SNX31: variants seen among roughly 807,000 people sequenced by gnomAD.
The protein encoded by SNX31 is sorting nexin 31.
Under a neutral mutation model 65.4 loss-of-function variants are expected in SNX31, and 58 were observed. The observed-to-expected ratio is 0.89, with a 90% CI of 0.72 to 1.10. The LOEUF (loss-of-function observed/expected upper bound fraction) is 1.10. Ranked by LOEUF, SNX31 falls within the 50% of genes least tolerant of loss-of-function variation. The pLI is 0.00. For synonymous variants in SNX31, 181 were observed against 190.1 expected (o/e 0.95, Z 0.39); for missense variants, 523 against 529.7 (o/e 0.99, Z 0.12).
intron 8 of SNX31, among the ~76,000 whole-genome samples, chr8:100,603,959 A>G (rs1815902064): frequency 6.6e-6 from 1 of 152,104 alleles, no homozygotes; most frequent in Non-Finnish European, 1.5e-5. Context: ...GCTGGTCTCA[A>G]ACTCCTAATC....
Position 100,613,194 on chromosome 8 carries a change from G to T in SNX31, c.433-109C>A, listed in dbSNP as rs1475977713. ...CCGGTACACATCAATAAAAAATGCT[G>T]TCATGGGTTAGTGAACACTCAAAGA... On this transcript the variant is annotated intron_variant, in intron 5 of 13. Transcript: ENST00000311812. The surrounding 1 kb of genome is among the most constrained non-coding windows in gnomAD (Gnocchi z 5.2). The T allele has an allele frequency of 7.2e-6, 6 of 829,178 alleles. No individual in the cohort carries two copies. Among genetic ancestry groups the T allele is most frequent in the Non-Finnish European group, 1.2e-5 (6 of 498,624 alleles). 51.4% of individuals were successfully genotyped at this position (829,178 alleles called of 1,614,324 possible).
At chr8:100,624,939 C>A (rs1218314507) in intron 4 of SNX31, among the ~76,000 whole-genome samples, 3 of 151,936 alleles carry the variant, frequency 2.0e-5, no homozygotes, top group African/African-American at 7.3e-5. Flanking sequence ...GTAGCGGGGG[C>A]TATAGACACG....
chr8:100,623,972 G>T (rs6994109), intron 4 of SNX31, among the ~76,000 whole-genome samples: 4,990 of 143,680 alleles, frequency 0.035, 270 homozygotes, highest in African/African-American at 0.12. Flanking sequence ...TTTTTTTTCT[G>T]TTAAGTGATT....
intron 1 of SNX31, 46 bp from the exon 2 acceptor site, chr8:100,649,394 T>C: frequency 6.2e-7 from 1 of 1,610,372 alleles, no homozygotes; most frequent in Non-Finnish European, 8.5e-7. Context: ...GAGGGATAAG[T>C]GAGCATTGCC....
chr8:100,603,578 G>GGT (rs1246498494), intron 8 of SNX31, among the ~76,000 whole-genome samples: 2 of 151,750 alleles, frequency 1.3e-5, no homozygotes, highest in African/African-American at 2.4e-5. Flanking sequence ...TGGGATTACA[G>GGT]GCATGCGTCA....
Position 100,604,654 on chromosome 8 carries a change from C to G in SNX31, c.681+3840G>C, listed in dbSNP as rs1815971227. ...AATGCAGGCCCAGAATTGACTGAGCCTTCAAAATGTATACTTACTTATAGT... is the reference window on the plus strand; with the variant it reads ...AATGCAGGCCCAGAATTGACTGAGCGTTCAAAATGTATACTTACTTATAGT... On this transcript the variant is annotated intron_variant, in intron 8 of 13. Coordinates refer to ENST00000311812, the MANE Select transcript of SNX31 (RefSeq NM_152628.4). This position sits in a 1 kb window ranked among gnomAD's most constrained non-coding sequence, Gnocchi z 4.3. Among the ~76,000 whole-genome samples the G allele has an allele frequency of 6.6e-6, 1 of 152,228 alleles. No homozygotes were observed. Among genetic ancestry groups the G allele is most frequent in the African/African-American group, 2.4e-5 (1 of 41,452 alleles).
rs1809759826 is a variant in SNX31, at chr8:100,660,137, GATT to G, written c.-58+3002_-58+3004del. ...GCTCAAATTATATATCAGTTATTAT[GATT>G]ATTAGTTACCTTTCTCTGAGCACTT... On this transcript the variant is annotated intron_variant, in intron 1 of 5. Transcript: ENST00000520352. The surrounding 1 kb of genome is among the most constrained non-coding windows in gnomAD (Gnocchi z 4.1). Among the ~76,000 whole-genome samples, 1 of 152,162 alleles carries G rather than the reference GATT, an allele frequency of 6.6e-6. No homozygotes were observed. The highest frequency in any genetic ancestry group is 1.9e-4 in the East Asian group (1 of 5,192).
At chr8:100,661,825 C>A (rs2131318229) in intron 1 of SNX31, among the ~76,000 whole-genome samples, 1 of 152,146 alleles carries the variant, frequency 6.6e-6, no homozygotes, top group African/African-American at 2.4e-5. Flanking sequence ...CCACTGCATC[C>A]AGCCACTGTT....
chr8:100,584,306 T>G, intron 11 of SNX31, 118 bp from the exon 12 acceptor site: 1 of 664,550 alleles, frequency 1.5e-6, no homozygotes, highest in Non-Finnish European at 2.4e-6. Flanking sequence ...GATTCAAGAA[T>G]TTAGATTTCT....
intron 1 of SNX31, among the ~76,000 whole-genome samples, chr8:100,661,258 G>C (rs1049938929): frequency 2.0e-5 from 3 of 152,164 alleles, no homozygotes; most frequent in African/African-American, 4.8e-5. Flanking sequence ...TGCCCGCCTC[G>C]GCCTCCCAAA....
rs1173913088 is a variant in SNX31, at chr8:100,641,545, C to CAAA, written c.142-5537_142-5535dup. 5.8e-4 allele frequency among the ~76,000 whole-genome samples: 6 copies of CAAA among 10,258 alleles called. 1 individual carries two copies. The highest frequency in any genetic ancestry group is 8.5e-4 in the African/African-American group (2 of 2,340). 6.7% of individuals were successfully genotyped at this position (10,258 alleles called of 152,430 possible). The stretch of plus-strand genomic sequence containing the variant: ...GGGCCACTGGAGTGAGACCTTGTCT[C>CAAA]AAAAAAAAAAAAAAAAAAAAATATA... On this transcript the variant is annotated intron_variant, in intron 2 of 13. Coordinates refer to ENST00000311812, the MANE Select transcript of SNX31 (RefSeq NM_152628.4).
At position 100,608,366 on chromosome 8, in the gene SNX31, T is replaced by C. The variant is rs1358474779; in HGVS notation, c.681+128A>G. On this transcript the variant is annotated intron_variant, in intron 8 of 13. Coordinates refer to ENST00000311812, the MANE Select transcript of SNX31 (RefSeq NM_152628.4). ...CCCTGGTAATCTCTGTTCTACTTTCTGTCTCTATGAATGTGCCTGTTTTAG... is the reference window on the plus strand; with the variant it reads ...CCCTGGTAATCTCTGTTCTACTTTCCGTCTCTATGAATGTGCCTGTTTTAG... 16 of 789,516 alleles carry C rather than the reference T, an allele frequency of 2.0e-5. No homozygotes were observed. In the Admixed American group the frequency reaches 3.2e-4, roughly 16 times the overall value. 48.9% of individuals were successfully genotyped at this position (789,516 alleles called of 1,614,324 possible).
At chr8:100,590,375 T>C (rs1003230614) in intron 10 of SNX31, among the ~76,000 whole-genome samples, 1 of 152,220 alleles carries the variant, frequency 6.6e-6, no homozygotes, top group African/African-American at 2.4e-5. Context: ...AGAGAATCTC[T>C]TGAGCTCAGG....
intron 9 of SNX31, among the ~76,000 whole-genome samples, chr8:100,598,547 A>G (rs896283734): frequency 1.3e-5 from 2 of 149,972 alleles, no homozygotes; most frequent in Non-Finnish European, 2.9e-5. Context: ...TGAGTAAGTA[A>G]CTTATGTAAA....
chr8:100,585,806 A>T (rs1299570887), intron 11 of SNX31, among the ~76,000 whole-genome samples: 2 of 152,240 alleles, frequency 1.3e-5, no homozygotes, highest in East Asian at 1.9e-4. Context: ...CCATATTCTT[A>T]TACAATGTAC....
intron 10 of SNX31, among the ~76,000 whole-genome samples, chr8:100,591,446 G>A (rs1431618132): frequency 1.4e-5 from 2 of 144,322 alleles, no homozygotes; most frequent in Non-Finnish European, 3.0e-5. Flanking sequence ...CCGAGATCGC[G>A]CCACTGCACT....
rs1204261926 is a variant in SNX31 at position 100,576,116 on chromosome 8, C to G, written c.1227+903G>C. ...TATCTCGTCTCTCTGTCCAACCAGCCAGAAGTGCTGTGATTATGAAGGAGA... is the reference window on the plus strand; with the variant it reads ...TATCTCGTCTCTCTGTCCAACCAGCGAGAAGTGCTGTGATTATGAAGGAGA... On this transcript the variant is annotated intron_variant, in intron 13 of 13. Transcript: ENST00000311812. This position sits in a 1 kb window ranked among gnomAD's most constrained non-coding sequence, Gnocchi z 4.8. 6.6e-6 allele frequency among the ~76,000 whole-genome samples: 1 copy of G among 152,192 alleles called. No individual in the cohort carries two copies. Among genetic ancestry groups the G allele is most frequent in the Admixed American group, 6.5e-5 (1 of 15,280 alleles).
At chr8:100,637,612 C>T (rs752934292) in intron 2 of SNX31, among the ~76,000 whole-genome samples, 3 of 152,338 alleles carry the variant, frequency 2.0e-5, no homozygotes, top group Non-Finnish European at 2.9e-5. Context: ...TTATTGCAAT[C>T]GCCTTCCAAC....
intron 3 of SNX31, among the ~76,000 whole-genome samples, chr8:100,631,578 C>T (rs1359423826): frequency 6.6e-6 from 1 of 151,882 alleles, no homozygotes; most frequent in East Asian, 1.9e-4. Flanking sequence ...TTTGGGATTA[C>T]AGGAGTGCGC....
Sources: gnomAD v4.1 joint callset for allele counts (sites outside exome capture counted in the v4.1 genomes callset) on GRCh38, gnomAD v4.1.1 for gene constraint, Gnocchi (gnomAD v3.1) non-coding constraint, MANE v1.5 for transcripts, NCBI Gene and HGNC (gene_info 2026-07-23, HGNC 2026-07-21) for gene names.